Variants in DACH1 observed in about 807,000 individuals in gnomAD.
DACH1 encodes the protein dachshund family transcription factor 1.
In DACH1, 12 loss-of-function variants were observed where a neutral mutation model predicts 54.2. That is an observed-to-expected ratio of 0.22 (90% CI 0.14 to 0.36). The LOEUF (loss-of-function observed/expected upper bound fraction) is 0.36, where lower values mean the gene tolerates loss of function less well. Among genes scored for constraint, DACH1 ranks in the 10% least tolerant of loss-of-function variants. The pLI is 1.00. For missense variants in DACH1, 805 were observed against 929.8 expected, an observed-to-expected ratio of 0.87 and a Z score of 1.75; for synonymous variants, 386 against 366.2, an observed-to-expected ratio of 1.05 and a Z score of -0.62.
At chr13:71,659,864 T>A (rs1366436603) in intron 2 of DACH1, among the ~76,000 whole-genome samples, 1 of 152,150 alleles carries the variant, frequency 6.6e-6, no homozygotes, top group African/African-American at 2.4e-5. Context: ...GGCTGTCTGA[T>A]TTTACAGCAT....
intron 3 of DACH1, among the ~76,000 whole-genome samples, chr13:71,591,250 T>C (rs1267087091): frequency 1.3e-5 from 2 of 152,054 alleles, no homozygotes; most frequent in Non-Finnish European, 2.9e-5. Context: ...ATAAGCAATT[T>C]TAAAGAAAAC....
At chr13:71,558,837 C>A (rs1223258095) in intron 5 of DACH1, among the ~76,000 whole-genome samples, 1 of 152,098 alleles carries the variant, frequency 6.6e-6, no homozygotes, top group African/African-American at 2.4e-5. Context: ...ACTTCAATAG[C>A]TCCCAGATCA....
intron 1 of DACH1, among the ~76,000 whole-genome samples, chr13:71,857,656 C>T (rs563739415): frequency 6.6e-6 from 1 of 151,764 alleles, no homozygotes; most frequent in East Asian, 1.9e-4. Flanking sequence ...GAACATTCAT[C>T]CTCATATAAA....
chr13:71,711,193 A>C lies in DACH1; in HGVS notation c.849-29283T>G, dbSNP rs967345831. On this transcript the variant is annotated intron_variant, in intron 1 of 10. Coordinates refer to ENST00000613252, the MANE Select transcript of DACH1 (RefSeq NM_080759.6). ...AAATCTGGCCAATAATAAATTCAGA[A>C]TACACAGCAATAAAGAGCATGAAAA... Among the ~76,000 whole-genome samples the C allele has an allele frequency of 2.0e-5, 3 of 152,282 alleles. No individual in the cohort carries two copies. In the South Asian group the frequency reaches 6.2e-4, roughly 32 times the overall value.
intron 1 of DACH1, among the ~76,000 whole-genome samples, chr13:71,777,993 T>A (rs1337860180): frequency 2.6e-5 from 4 of 151,638 alleles, no homozygotes; most frequent in African/African-American, 4.8e-5. Context: ...GGGTTGTGCC[T>A]AGAGTCCCAG....
At chr13:71,774,612 A>G (rs186743386) in intron 1 of DACH1, among the ~76,000 whole-genome samples, 1 of 152,232 alleles carries the variant, frequency 6.6e-6, no homozygotes, top group African/African-American at 2.4e-5. Flanking sequence ...CATGCTTTAC[A>G]GATGTGGAAA....
At chr13:71,534,290 A>T (rs912013540) in intron 6 of DACH1, among the ~76,000 whole-genome samples, 41 of 152,048 alleles carry the variant, frequency 2.7e-4, no homozygotes, top group African/African-American at 9.9e-4. Flanking sequence ...CATAAATCGA[A>T]GGAAAAATTC....
chr13:71,501,332 T>G (rs1018640039), intron 6 of DACH1, among the ~76,000 whole-genome samples: 2 of 152,068 alleles, frequency 1.3e-5, no homozygotes, highest in Non-Finnish European at 2.9e-5. Context: ...TGAAAACAGG[T>G]GAAATGTGAA....
chr13:71,586,042 A>G (rs1436517509), intron 3 of DACH1, among the ~76,000 whole-genome samples: 1 of 152,192 alleles, frequency 6.6e-6, no homozygotes, highest in Admixed American at 6.5e-5. Flanking sequence ...TCTACTCCAT[A>G]TCTAAACCTA....
intron 1 of DACH1, among the ~76,000 whole-genome samples, chr13:71,738,267 A>G (rs1170312602): frequency 6.6e-6 from 1 of 152,174 alleles, no homozygotes; most frequent in Non-Finnish European, 1.5e-5. Context: ...AGGTAAAACA[A>G]GGTGTACTTG....
At chr13:71,537,343 A>G (rs1177352850) in intron 6 of DACH1, among the ~76,000 whole-genome samples, 16 of 152,062 alleles carry the variant, frequency 1.1e-4, no homozygotes, top group Admixed American at 9.8e-4. Context: ...CTACTATCAC[A>G]TTTCCCAGTC....
At chr13:71,635,234 T>G (rs1284911906) in intron 2 of DACH1, among the ~76,000 whole-genome samples, 1 of 152,172 alleles carries the variant, frequency 6.6e-6, no homozygotes, top group Non-Finnish European at 1.5e-5. Context: ...ACAAATCTCA[T>G]TAACTTAATA....
chr13:71,573,835 T>A (rs1414692306), intron 3 of DACH1, among the ~76,000 whole-genome samples: 5 of 152,174 alleles, frequency 3.3e-5, no homozygotes, highest in Non-Finnish European at 7.4e-5. Context: ...TGTTCGGCTA[T>A]CCAGCTTAAT....
chr13:71,507,277 T>G (rs1880412432), intron 6 of DACH1, among the ~76,000 whole-genome samples: 1 of 152,180 alleles, frequency 6.6e-6, no homozygotes, highest in Admixed American at 6.5e-5. Context: ...GTTGTTTATC[T>G]TATAATGTAT....
chr13:71,572,696 T>G lies in DACH1; in HGVS notation c.1299+144A>C, dbSNP rs78172055. On this transcript the variant is annotated intron_variant, in intron 4 of 10. Transcript: ENST00000613252. ...TAAGTAATGTGCCCCTGGGGCCATT[T>G]GCTACAAGTGATTTTTTTTAATAGT... is the stretch of plus-strand genomic sequence containing the variant. 1.5e-3 allele frequency: 1,310 copies of G among 847,822 alleles called. 14 individuals carry two copies. In the African/African-American group the frequency reaches 0.02, roughly 13 times the overall value. 52.5% of individuals were successfully genotyped at this position (847,822 alleles called of 1,614,324 possible).
At chr13:71,679,159 C>A (rs1286538142) in intron 2 of DACH1, among the ~76,000 whole-genome samples, 2 of 152,082 alleles carry the variant, frequency 1.3e-5, no homozygotes, top group African/African-American at 2.4e-5. Flanking sequence ...AGAAAATGAT[C>A]GTACTTTAAA....
chr13:71,583,641 A>G (rs911727190), intron 3 of DACH1, among the ~76,000 whole-genome samples: 4 of 152,070 alleles, frequency 2.6e-5, no homozygotes, highest in African/African-American at 9.7e-5. Flanking sequence ...TCAGGAGTTC[A>G]AGCCCAGCCT....
intron 10 of DACH1, among the ~76,000 whole-genome samples, chr13:71,444,679 T>A (rs1302953439): frequency 2.0e-5 from 3 of 152,170 alleles, no homozygotes; most frequent in East Asian, 3.8e-4. Flanking sequence ...AGCAAAAAAA[T>A]GGATTTATAC....
At chr13:71,565,130 C>G (rs1183244492) in intron 4 of DACH1, among the ~76,000 whole-genome samples, 1 of 152,074 alleles carries the variant, frequency 6.6e-6, no homozygotes, top group African/African-American at 2.4e-5. Flanking sequence ...GCATGTCGGT[C>G]AGGCTGGTCT....
Sources: gnomAD v4.1 joint callset for allele counts (sites outside exome capture counted in the v4.1 genomes callset) on GRCh38, gnomAD v4.1.1 for gene constraint, MANE v1.5 for transcripts, NCBI Gene and HGNC (gene_info 2026-07-23, HGNC 2026-07-21) for gene names.